The following ANKS1B variants were observed in gnomAD, a reference collection of about 807,000 sequenced individuals.
ANKS1B encodes ankyrin repeat and sterile alpha motif domain-containing protein 1B.
ANKS1B carries 36 observed loss-of-function variants against 148.3 expected under a neutral mutation model. The observed-to-expected ratio is 0.24, with a 90% CI of 0.19 to 0.32. The LOEUF is 0.32. Ranked by LOEUF, ANKS1B falls within the 10% of genes least tolerant of loss-of-function variation. ANKS1B has a pLI of 1.00. For missense variants in ANKS1B, 1,157 were observed against 1,542.6 expected, an observed-to-expected ratio of 0.75 and a Z score of 4.19; for synonymous variants, 542 against 560.8, an observed-to-expected ratio of 0.97 and a Z score of 0.47.
intron 9 of ANKS1B, among the ~76,000 whole-genome samples, chr12:99,637,684 G>A (rs2098252576): frequency 6.6e-6 from 1 of 151,852 alleles, no homozygotes; most frequent in South Asian, 2.1e-4. Context: ...CAGACTTCAA[G>A]TTCTTCAGCT....
chr12:99,197,008 C>A (rs976676299), intron 14 of ANKS1B, among the ~76,000 whole-genome samples: 9 of 152,106 alleles, frequency 5.9e-5, no homozygotes, highest in African/African-American at 2.2e-4. Flanking sequence ...AGGGAGATAT[C>A]CTCTCTCCCA....
At chr12:99,479,993 T>G (rs925977938) in intron 10 of ANKS1B, among the ~76,000 whole-genome samples, 2 of 151,858 alleles carry the variant, frequency 1.3e-5, no homozygotes, top group African/African-American at 4.8e-5. Context: ...AACATTACAC[T>G]GTATCCCATA....
intron 8 of ANKS1B, among the ~76,000 whole-genome samples, chr12:99,766,535 T>C (rs971857397): frequency 2.6e-5 from 4 of 152,254 alleles, no homozygotes; most frequent in Admixed American, 1.3e-4. Flanking sequence ...TGGTTAATGG[T>C]ATTGTTTTCA....
chr12:99,298,830 C>T (rs2081237637), intron 12 of ANKS1B, among the ~76,000 whole-genome samples: 1 of 152,136 alleles, frequency 6.6e-6, no homozygotes, highest in African/African-American at 2.4e-5. Flanking sequence ...AGAATGGTTT[C>T]TATATCCTCT....
At chr12:99,315,005 G>A (rs1344022458) in intron 12 of ANKS1B, among the ~76,000 whole-genome samples, 3 of 152,084 alleles carry the variant, frequency 2.0e-5, no homozygotes, top group African/African-American at 7.2e-5. Context: ...AGCACTTTAG[G>A]AGGCTGAGGC....
At chr12:99,233,463 A>C (rs2087248764) in intron 14 of ANKS1B, among the ~76,000 whole-genome samples, 2 of 152,116 alleles carry the variant, frequency 1.3e-5, no homozygotes, top group African/African-American at 4.8e-5. Flanking sequence ...ATGATGTAGA[A>C]TATATTATCA....
chr12:99,323,059 G>T (rs2085611810), intron 12 of ANKS1B, among the ~76,000 whole-genome samples: 1 of 152,084 alleles, frequency 6.6e-6, no homozygotes, highest in South Asian at 2.1e-4. Flanking sequence ...TATCAGTAGT[G>T]TGAGAATGAA....
At chr12:99,918,552 T>A (rs541647617) in intron 1 of ANKS1B, among the ~76,000 whole-genome samples, 1 of 152,312 alleles carries the variant, frequency 6.6e-6, no homozygotes, top group East Asian at 1.9e-4. Flanking sequence ...AGCTAGTAAG[T>A]GATAGAATCA....
At chr12:99,354,327 G>A (rs2091764808) in intron 12 of ANKS1B, among the ~76,000 whole-genome samples, 1 of 151,980 alleles carries the variant, frequency 6.6e-6, no homozygotes, top group African/African-American at 2.4e-5. Context: ...GAAAACATAT[G>A]AAAATGTTCC....
In ANKS1B at chr12:98,745,863, A is replaced by G; in HGVS notation, c.3748-14T>C. 1 of 1,610,212 alleles carries G rather than the reference A, an allele frequency of 6.2e-7. No individual in the cohort carries two copies. The highest frequency in any genetic ancestry group is 8.5e-7 in the Non-Finnish European group (1 of 1,178,302). ...TGGGTCGATCTGCTTTAAAACAGAA[A>G]GGCTGATGCCTGTTATACGGTCGCC... is the stretch of plus-strand genomic sequence containing the variant. On this transcript the variant is annotated splice_polypyrimidine_tract_variant and intron_variant, in intron 26 of 26. Coordinates refer to ENST00000683438, the MANE Select transcript of ANKS1B (RefSeq NM_001352186.2).
intron 4 of ANKS1B, among the ~76,000 whole-genome samples, chr12:99,785,944 G>A (rs1237685719): frequency 1.3e-5 from 2 of 152,160 alleles, no homozygotes; most frequent in African/African-American, 2.4e-5. Context: ...TAAATATACA[G>A]CACAGTTTTG....
chr12:99,095,339 T>C (rs540359179), intron 15 of ANKS1B, among the ~76,000 whole-genome samples: 2 of 152,268 alleles, frequency 1.3e-5, no homozygotes, highest in Admixed American at 1.3e-4. Flanking sequence ...GTGACAGAAG[T>C]TGTCATTGGG....
At chr12:99,800,454 A>C (rs2066808930) in intron 4 of ANKS1B, among the ~76,000 whole-genome samples, 1 of 151,916 alleles carries the variant, frequency 6.6e-6, no homozygotes, top group African/African-American at 2.4e-5. Context: ...AAAAAAAAAA[A>C]AAAAAAACGG....
At chr12:99,645,133 A>T (rs1294810824) in intron 9 of ANKS1B, among the ~76,000 whole-genome samples, 1 of 152,224 alleles carries the variant, frequency 6.6e-6, no homozygotes, top group Non-Finnish European at 1.5e-5. Context: ...TGTAAACCAC[A>T]GCCATGTTCA....
chr12:99,526,419 A>G (rs2096927114), intron 9 of ANKS1B, among the ~76,000 whole-genome samples: 1 of 152,212 alleles, frequency 6.6e-6, no homozygotes, highest in Admixed American at 6.5e-5. Context: ...CAGGCATTGC[A>G]TAATTATTAC....
At chr12:99,863,755 T>TA (rs1425981286) in intron 1 of ANKS1B, among the ~76,000 whole-genome samples, 2 of 151,310 alleles carry the variant, frequency 1.3e-5, no homozygotes, top group Non-Finnish European at 2.9e-5. Flanking sequence ...TTATATAGCC[T>TA]AATAGCAAAA....
At chr12:99,623,371 C>T (rs1354404093) in intron 9 of ANKS1B, among the ~76,000 whole-genome samples, 1 of 151,980 alleles carries the variant, frequency 6.6e-6, no homozygotes, top group Non-Finnish European at 1.5e-5. Context: ...ACTCTCACCA[C>T]CCCTATTCAA....
chr12:98,955,274 C>T (rs1326598093), intron 17 of ANKS1B, among the ~76,000 whole-genome samples: 1 of 152,022 alleles, frequency 6.6e-6, no homozygotes, highest in African/African-American at 2.4e-5. Flanking sequence ...TAAGAAAAGA[C>T]TTGAAGGAGG....
chr12:99,397,104 T>C (rs1380254871), intron 12 of ANKS1B, among the ~76,000 whole-genome samples: 2 of 152,152 alleles, frequency 1.3e-5, no homozygotes, highest in Non-Finnish European at 2.9e-5. Context: ...CAATACATTT[T>C]AATGCTCACT....
Sources: gnomAD v4.1 joint callset for allele counts (sites outside exome capture counted in the v4.1 genomes callset) on GRCh38, gnomAD v4.1.1 for gene constraint, MANE v1.5 for transcripts, NCBI Gene and HGNC (gene_info 2026-07-23, HGNC 2026-07-21) for gene names.